CPLANE1: variants seen among roughly 807,000 people sequenced by gnomAD.
CPLANE1 encodes ciliogenesis and planar polarity effector 1.
Under a neutral mutation model 362.5 loss-of-function variants are expected in CPLANE1, and 263 were observed. The observed-to-expected ratio is 0.73, with a 90% confidence interval of 0.66 to 0.80. The LOEUF (loss-of-function observed/expected upper bound fraction) is 0.80, where lower values mean the gene tolerates loss of function less well. CPLANE1 is among the 30% of genes least tolerant of loss of function. CPLANE1 has a pLI of 0.00. For missense variants in CPLANE1, 3,461 were observed against 3,793.4 expected (o/e 0.91, Z 2.30); for synonymous variants, 1,212 against 1,302.6 (o/e 0.93, Z 1.50).
chr5:37,123,930 TAC>T (rs56833956), intron 47 of CPLANE1, among the ~76,000 whole-genome samples: 22,629 of 144,092 alleles, frequency 0.16, 1,648 homozygotes, highest in South Asian at 0.18. Flanking sequence ...TAGGGGAACA[TAC>T]ACACACACAC....
the CPLANE1 span, among the ~76,000 whole-genome samples, chr5:37,082,866 T>C: frequency 6.6e-6 from 1 of 151,836 alleles, no homozygotes; most frequent in Non-Finnish European, 1.5e-5. Flanking sequence ...AGTTGTGAGA[T>C]TGTGGCAGAT....
rs1168796962 is a variant in CPLANE1, at chr5:37,175,929, A to G, written c.5958T>C (p.Asp1986=). The change falls in exon 31 of 53, where the codon GAT becomes GAC. Residue 1986 remains aspartate, a synonymous_variant. Coordinates refer to ENST00000651892, the MANE Select transcript of CPLANE1 (RefSeq NM_001384732.1). ...GHTTPQSMQV[D]TSSEISSAQI... is the part of the protein sequence containing the mutation. ...CTTACCTAGAAATTTCTGAACTCGT[A>G]TCTACTTGCATTGATTGAGGAGTGG... The G allele has an allele frequency of 1.9e-6, 3 of 1,613,322 alleles. No homozygotes were observed. Among genetic ancestry groups the G allele is most frequent in the Non-Finnish European group, 2.5e-6 (3 of 1,179,488 alleles).
At chr5:37,098,534 A>G in the CPLANE1 span, among the ~76,000 whole-genome samples, 1 of 152,030 alleles carries the variant, frequency 6.6e-6, no homozygotes, top group South Asian at 2.1e-4. Flanking sequence ...TTTACAGACC[A>G]CTCCATCTAA....
At chr5:37,121,966 G>A (rs1319656254) in intron 48 of CPLANE1, among the ~76,000 whole-genome samples, 182 bp from the exon 49 acceptor site, 1 of 149,896 alleles carries the variant, frequency 6.7e-6, no homozygotes, top group Admixed American at 6.7e-5. Flanking sequence ...TGCAACCTCC[G>A]CCTCCCGAGT....
chr5:37,194,166 C>T (rs1786529258), intron 21 of CPLANE1, among the ~76,000 whole-genome samples: 1 of 152,050 alleles, frequency 6.6e-6, no homozygotes, highest in African/African-American at 2.4e-5. Flanking sequence ...TTGTGATCCG[C>T]CCAACTCATC....
rs371846835 is a variant in CPLANE1 at position 37,107,209 on chromosome 5, A to ATT, written c.*391_*392dup. ...GACTGATTTTCTTCTCAATGAAAAG[A>ATT]TTTTTTTTTTTCCTATTAGATTCAT... On this transcript the variant is annotated 3_prime_UTR_variant, in exon 53 of 53. Transcript: ENST00000651892. 7 of 835,124 alleles carry ATT rather than the reference A, an allele frequency of 8.4e-6. No individual in the cohort carries two copies. In the African/African-American group the frequency reaches 1.1e-4, roughly 13 times the overall value. 51.7% of individuals were successfully genotyped at this position (835,124 alleles called of 1,614,324 possible).
At chr5:37,184,756 G>T in intron 25 of CPLANE1, 32 bp downstream of exon 25, 1 of 1,568,406 alleles carries the variant, frequency 6.4e-7, no homozygotes, top group South Asian at 1.2e-5. Flanking sequence ...CAAAGGAAGT[G>T]AATGCCAGTG....
rs903256519 is a variant in CPLANE1, at chr5:37,106,990, A to G, written c.*612T>C. The G allele has an allele frequency of 2.0e-6, 2 of 985,422 alleles. No individual in the cohort carries two copies. Among genetic ancestry groups the G allele is most frequent in the African/African-American group, 1.7e-5 (1 of 57,346 alleles). The allele number at this position is 985,422 out of a possible 1,614,324, so 61.0% of individuals were successfully genotyped here. A position where few individuals can be genotyped will look rare whatever the true frequency, so the allele number is the denominator to read the frequency against. On this transcript the variant is annotated 3_prime_UTR_variant, in exon 53 of 53. Coordinates refer to ENST00000651892, the MANE Select transcript of CPLANE1 (RefSeq NM_001384732.1). ...TCATATTCCCTTACTTTCCTGCCCA[A>G]AGCATCCATTCCTGTTTCTTCCTCC... is the stretch of plus-strand genomic sequence containing the variant.
At position 37,169,477 on chromosome 5, in the gene CPLANE1, G is replaced by T; in HGVS notation, c.6547C>A (p.Pro2183Thr). 6.2e-7 allele frequency: 1 copy of T among 1,614,084 alleles called. No individual in the cohort carries two copies. Residue 2183 changes from proline (P) to threonine (T), a missense_variant, in exon 34 of 53, where the codon CCA becomes ACA. Coordinates refer to ENST00000651892, the MANE Select transcript of CPLANE1 (RefSeq NM_001384732.1). The stretch of plus-strand genomic sequence containing the variant: ...GGAGCTGGATAAAACGAAGTGGATG[G>T]TAAGTTTTGAGATGATGGAATTGGT... ...KGPIPSSQNL[P>T]STSFYPAPAG... is the part of the protein sequence containing the mutation.
At chr5:37,223,864 A>G (rs1795877235) in intron 14 of CPLANE1, among the ~76,000 whole-genome samples, 1 of 152,198 alleles carries the variant, frequency 6.6e-6, no homozygotes, top group Non-Finnish European at 1.5e-5. Context: ...GACAAAAAAA[A>G]AACCACATTA....
At chr5:37,156,915 A>C (rs1775276428) in intron 41 of CPLANE1, among the ~76,000 whole-genome samples, 1 of 152,206 alleles carries the variant, frequency 6.6e-6, no homozygotes, top group South Asian at 2.1e-4. Context: ...ACAAACTTGT[A>C]CATGTGTCCC....
downstream of CPLANE1, among the ~76,000 whole-genome samples, chr5:37,101,437 C>G: frequency 6.6e-6 from 1 of 152,008 alleles, no homozygotes; most frequent in Non-Finnish European, 1.5e-5. Context: ...ATGGTGCATC[C>G]CAGGGAGGAA....
At chr5:37,154,060 A>AT in intron 41 of CPLANE1, 67 bp from the exon 42 acceptor site, 1 of 1,379,016 alleles carries the variant, frequency 7.3e-7, no homozygotes. Flanking sequence ...TGATGATCTC[A>AT]TTTTTTGATG....
chr5:37,156,528 C>G (rs969960257), intron 41 of CPLANE1, among the ~76,000 whole-genome samples: 5 of 151,942 alleles, frequency 3.3e-5, no homozygotes, highest in African/African-American at 1.2e-4. Context: ...TCCCTTGAGC[C>G]CAGGAGTTCA....
At chr5:37,202,354 C>T (rs1426003181) in intron 18 of CPLANE1, among the ~76,000 whole-genome samples, 1 of 152,084 alleles carries the variant, frequency 6.6e-6, no homozygotes, top group African/African-American at 2.4e-5. Context: ...GATGAGGTTT[C>T]ACCATGTTGG....
chr5:37,170,680 G>T (rs779201593), intron 32 of CPLANE1, among the ~76,000 whole-genome samples: 3 of 152,204 alleles, frequency 2.0e-5, no homozygotes, highest in Non-Finnish European at 4.4e-5. Context: ...GCTCACGCCT[G>T]TAATCCCAGC....
rs1780456516 is a variant in CPLANE1 at position 37,173,910 on chromosome 5, C to G, written c.6016G>C (p.Val2006Leu). The G allele has an allele frequency of 1.2e-6, 2 of 1,614,064 alleles. No individual in the cohort carries two copies. Among genetic ancestry groups the G allele is most frequent in the Non-Finnish European group, 1.7e-6 (2 of 1,180,014 alleles). The part of the protein sequence containing the change: ...ISTYKEKSSS[V>L]PLLISNGVNV... Reference sequence around the variant, plus strand: ...ACTCCATTTGATATCAGAAGTGGAACTGAGGAAGATTTTTCTTTATATGTA... The same window carrying G: ...ACTCCATTTGATATCAGAAGTGGAAGTGAGGAAGATTTTTCTTTATATGTA... Residue 2006 changes from valine to leucine, a missense_variant, in exon 32 of 53, where the codon GTT (valine) becomes CTT (leucine). Val to Leu is a conservative substitution (Grantham distance 32). Coordinates refer to ENST00000651892, the MANE Select transcript of CPLANE1 (RefSeq NM_001384732.1).
At position 37,157,690 on chromosome 5, in the gene CPLANE1, G is replaced by T. The variant is rs896218202; in HGVS notation, c.7991C>A (p.Pro2664Gln). The T allele has an allele frequency of 1.2e-6, 2 of 1,612,980 alleles. No homozygotes were observed. Among genetic ancestry groups the T allele is most frequent in the East Asian group, 2.2e-5 (1 of 44,862 alleles). ...MAASVTNAVP[P>Q]HNFKSQEVTP... ...ATTACCTTGACTCTTAAAATTATGT[G>T]GGGGAACAGCATTAGTAACTGAAGC... The change falls in exon 40 of 53, where the codon CCA becomes CAA. Residue 2664 changes from proline (P) to glutamine (Q), a missense_variant. Coordinates refer to ENST00000651892, the MANE Select transcript of CPLANE1 (RefSeq NM_001384732.1).
intron 36 of CPLANE1, among the ~76,000 whole-genome samples, chr5:37,164,777 G>A (rs768742618): frequency 3.3e-5 from 5 of 152,154 alleles, no homozygotes; most frequent in Non-Finnish European, 7.3e-5. Context: ...TGCAAAAATA[G>A]TTAGTCACCA....
Sources: gnomAD v4.1 joint callset for allele counts (sites outside exome capture counted in the v4.1 genomes callset) on GRCh38, gnomAD v4.1.1 for gene constraint, MANE v1.5 for transcripts, NCBI Gene and HGNC (gene_info 2026-07-23, HGNC 2026-07-21) for gene names.